TMEM178B: variants seen among roughly 807,000 people sequenced by gnomAD.
TMEM178B encodes the protein transmembrane protein 178B.
Under a neutral mutation model 31.0 loss-of-function variants are expected in TMEM178B, and 5 were observed. The observed-to-expected ratio is 0.16, with a 90% CI of 0.08 to 0.34. TMEM178B has a LOEUF of 0.34. Ranked by LOEUF, TMEM178B falls within the 10% of genes least tolerant of loss-of-function variation. The pLI, the probability that TMEM178B is intolerant of heterozygous loss-of-function variation, is 1.00. For synonymous variants in TMEM178B, 164 were observed against 164.0 expected, an observed-to-expected ratio of 1.00 and a Z score of 0.00; for missense variants, 275 against 400.3, an observed-to-expected ratio of 0.69 and a Z score of 2.67.
At chr7:141,212,437 C>G (rs1004978106) in intron 1 of TMEM178B, among the ~76,000 whole-genome samples, 154 bp from the exon 2 acceptor site, 1 of 152,308 alleles carries the variant, frequency 6.6e-6, no homozygotes, top group Admixed American at 6.5e-5. Flanking sequence ...TACTCTCTTG[C>G]TCTTTTTGAG....
intron 3 of TMEM178B, among the ~76,000 whole-genome samples, chr7:141,463,066 G>A (rs1001396206): frequency 6.6e-6 from 1 of 152,208 alleles, no homozygotes; most frequent in Non-Finnish European, 1.5e-5. Context: ...TGTGTCAGCA[G>A]GTCTTAACAG....
rs1323342423 is a variant in TMEM178B at position 141,422,184 on chromosome 7, G to A, written c.497-15424G>A. ...TCCTCCAGGGCTGCGGTTGGTGAAA[G>A]GAGGACAGGTAAAAGGCCAAGGCTC... On this transcript the variant is annotated intron_variant, in intron 2 of 3. Transcript: ENST00000565468. The surrounding 1 kb of genome is among the most constrained non-coding windows in gnomAD (Gnocchi z 4.2). Among the ~76,000 whole-genome samples the A allele has an allele frequency of 2.0e-5, 3 of 152,216 alleles. No individual in the cohort carries two copies. Among genetic ancestry groups the A allele is most frequent in the Admixed American group, 6.5e-5 (1 of 15,282 alleles).
At chr7:141,416,835 A>G (rs928215976) in intron 2 of TMEM178B, among the ~76,000 whole-genome samples, 1 of 152,208 alleles carries the variant, frequency 6.6e-6, no homozygotes, top group South Asian at 2.1e-4. Flanking sequence ...CACAGAGTAC[A>G]TAACGAGCAT....
chr7:141,221,968 A>G (rs545668309), intron 2 of TMEM178B, among the ~76,000 whole-genome samples: 1 of 152,348 alleles, frequency 6.6e-6, no homozygotes, highest in South Asian at 2.1e-4. Context: ...GGACCCAAGA[A>G]TCTGTAAGAC....
rs1226573389 is a variant in TMEM178B at position 141,074,297 on chromosome 7, C to T, written c.-14C>T. On this transcript the variant is annotated 5_prime_UTR_variant, in exon 1 of 4. Transcript: ENST00000565468. This position sits in a 1 kb window ranked among gnomAD's most constrained non-coding sequence, Gnocchi z 5.1. ...CGGCGGATCATGCCCATGGTGTAGC[C>T]GCCAAGCGGAGGCATGGCTGCCGGA... The T allele has an allele frequency of 8.0e-6, 12 of 1,507,888 alleles. No homozygotes were observed. Among genetic ancestry groups the T allele is most frequent in the Non-Finnish European group, 8.9e-6 (10 of 1,129,514 alleles). 93.4% of individuals were successfully genotyped at this position (1,507,888 alleles called of 1,614,324 possible).
rs1361792101 is a variant in TMEM178B at position 141,473,529 on chromosome 7, G to A, written c.*2743G>A. The A allele has an allele frequency of 6.6e-6, 1 of 152,152 alleles. No homozygotes were observed. Among genetic ancestry groups the A allele is most frequent in the Non-Finnish European group, 1.5e-5 (1 of 68,026 alleles). 9.4% of individuals were successfully genotyped at this position (152,152 alleles called of 1,614,324 possible). ...TAAAAAAAAATCCCATACTTTCAAT[G>A]AATAGATTATCTGCTCTATCCAATT... On this transcript the variant is annotated 3_prime_UTR_variant, in exon 4 of 4. Transcript: ENST00000565468.
chr7:141,417,873 G>A (rs1254088620), intron 2 of TMEM178B, among the ~76,000 whole-genome samples: 2 of 152,156 alleles, frequency 1.3e-5, no homozygotes, highest in African/African-American at 4.8e-5. Flanking sequence ...CCTTCTCAGA[G>A]CTGAGGAAAC....
chr7:141,268,982 C>T (rs1012700630), intron 2 of TMEM178B, among the ~76,000 whole-genome samples: 1 of 152,158 alleles, frequency 6.6e-6, no homozygotes, highest in African/African-American at 2.4e-5. Context: ...TCATTCCTCT[C>T]ATCCTTCAAG....
chr7:141,331,144 A>G (rs1028073401), intron 2 of TMEM178B, among the ~76,000 whole-genome samples: 1 of 152,176 alleles, frequency 6.6e-6, no homozygotes, highest in Non-Finnish European at 1.5e-5. Context: ...TAAGTAGGCA[A>G]GTGGACTACA....
chr7:141,296,550 A>G (rs1232049354), intron 2 of TMEM178B, among the ~76,000 whole-genome samples: 1 of 152,236 alleles, frequency 6.6e-6, no homozygotes, highest in African/African-American at 2.4e-5. Context: ...ATATGCTAAG[A>G]CAGCCAGCTC....
At chr7:141,262,857 C>T (rs890758083) in intron 2 of TMEM178B, among the ~76,000 whole-genome samples, 2 of 152,136 alleles carry the variant, frequency 1.3e-5, no homozygotes, top group African/African-American at 4.8e-5. Context: ...GGCTGGGACT[C>T]AGGGTTAACA....
At chr7:141,298,175 A>G (rs2116435573) in intron 2 of TMEM178B, among the ~76,000 whole-genome samples, 1 of 152,180 alleles carries the variant, frequency 6.6e-6, no homozygotes, top group African/African-American at 2.4e-5. Context: ...GTGTCTGTTC[A>G]TATTCTTTGC....
chr7:141,124,997 A>G (rs1795467230), intron 1 of TMEM178B, among the ~76,000 whole-genome samples: 1 of 152,150 alleles, frequency 6.6e-6, no homozygotes, highest in African/African-American at 2.4e-5. Flanking sequence ...TCCTTTTTGT[A>G]CTTTGGTTTG....
the TMEM178B span, among the ~76,000 whole-genome samples, chr7:141,497,171 T>C: frequency 6.6e-6 from 1 of 152,132 alleles, no homozygotes; most frequent in African/African-American, 2.4e-5. Context: ...AAGATCTGAT[T>C]GTGAGAGGCT....
At chr7:141,385,608 C>A (rs1800417601) in intron 2 of TMEM178B, among the ~76,000 whole-genome samples, 1 of 152,218 alleles carries the variant, frequency 6.6e-6, no homozygotes, top group African/African-American at 2.4e-5. Flanking sequence ...TGTTTCCCAT[C>A]ATCCTTTTTG....
At chr7:141,432,481 A>G (rs1801454290) in intron 2 of TMEM178B, among the ~76,000 whole-genome samples, 1 of 152,084 alleles carries the variant, frequency 6.6e-6, no homozygotes, top group South Asian at 2.1e-4. Flanking sequence ...ATCCCACTCT[A>G]CTGTGTGCGT....
chr7:141,207,192 T>C (rs1796980791), intron 1 of TMEM178B, among the ~76,000 whole-genome samples: 1 of 152,258 alleles, frequency 6.6e-6, no homozygotes, highest in South Asian at 2.1e-4. Context: ...TCCCTTATCC[T>C]TCATCTGCTG....
chr7:141,324,416 GT>G lies in TMEM178B; in HGVS notation c.496+111749del, dbSNP rs56316531. ...TGTGAGAGCAAGAGAGGAGACCAGG[GT>G]TTTTTTTTTTTTTTTTTTTTTTTTT... is the stretch of plus-strand genomic sequence containing the variant. On this transcript the variant is annotated intron_variant, in intron 2 of 3. Transcript: ENST00000565468. Among the ~76,000 whole-genome samples the G allele has an allele frequency of 1.5e-3, 125 of 85,678 alleles. 1 individual carries two copies. Among genetic ancestry groups the G allele is most frequent in the East Asian group, 3.5e-3 (10 of 2,864 alleles). The allele number at this position is 85,678 out of a possible 152,430, so 56.2% of individuals were successfully genotyped here.
intron 2 of TMEM178B, among the ~76,000 whole-genome samples, chr7:141,226,965 A>C (rs17566251): frequency 0.27 from 41,645 of 151,878 alleles, 6,622 homozygotes; most frequent in Non-Finnish European, 0.37. Context: ...CCATTCCTGG[A>C]TGGAGCTTTG....
Sources: gnomAD v4.1 joint callset for allele counts (sites outside exome capture counted in the v4.1 genomes callset) on GRCh38, gnomAD v4.1.1 for gene constraint, Gnocchi (gnomAD v3.1) non-coding constraint, MANE v1.5 for transcripts, NCBI Gene and HGNC (gene_info 2026-07-23, HGNC 2026-07-21) for gene names.